The following C1orf21 variants were observed in gnomAD, a reference collection of about 807,000 sequenced individuals.
The protein encoded by C1orf21 is uncharacterized protein C1orf21.
A neutral mutation model predicts 18.7 loss-of-function variants in C1orf21; 3 were observed. The observed-to-expected ratio is 0.16, with a 90% confidence interval of 0.07 to 0.42. The LOEUF (loss-of-function observed/expected upper bound fraction) is 0.42, where lower values mean the gene tolerates loss of function less well. Among genes scored for constraint, C1orf21 ranks in the 10% least tolerant of loss-of-function variants. The pLI, the probability that C1orf21 is intolerant of heterozygous loss-of-function variation, is 0.99. For synonymous variants in C1orf21, 41 were observed against 46.4 expected (o/e 0.88, Z 0.47); for missense variants, 104 against 143.6 (o/e 0.72, Z 1.41).
At chr1:184,592,272 A>T (rs1260561646) in intron 4 of C1orf21, 1 of 152,218 alleles carries the variant, frequency 6.6e-6, no homozygotes, top group Non-Finnish European at 1.5e-5. Context: ...AATTAACTTG[A>T]AGAAAAAGAT....
Position 184,545,272 on chromosome 1 carries a change from G to A in C1orf21, c.189+37590G>A, listed in dbSNP as rs140694755. Among the ~76,000 whole-genome samples the A allele has an allele frequency of 3.0e-4, 46 of 152,112 alleles. 1 individual carries two copies. In the East Asian group the frequency reaches 3.5e-3, roughly 11 times the overall value. On this transcript the variant is annotated intron_variant, in intron 3 of 5. Coordinates refer to ENST00000235307, the MANE Select transcript of C1orf21 (RefSeq NM_030806.4). Reference sequence around the variant, plus strand: ...GATCCATCATACTGTGGAATGTGTCGCACCTGTTAAAAAGAATAAAAAATC... The same window carrying A: ...GATCCATCATACTGTGGAATGTGTCACACCTGTTAAAAAGAATAAAAAATC...
At chr1:184,410,500 A>G (rs1272293022) in intron 1 of C1orf21, among the ~76,000 whole-genome samples, 1 of 147,346 alleles carries the variant, frequency 6.8e-6, no homozygotes, top group Non-Finnish European at 1.5e-5. Flanking sequence ...AAGGTTGCTA[A>G]TGGCATATGA....
chr1:184,546,652 G>A (rs141630781), intron 3 of C1orf21, among the ~76,000 whole-genome samples: 2 of 152,324 alleles, frequency 1.3e-5, no homozygotes, highest in East Asian at 3.9e-4. Context: ...CATGTGTAAA[G>A]CAGGGAGATT....
At chr1:184,587,526 G>T (rs991256436) in intron 3 of C1orf21, among the ~76,000 whole-genome samples, 3 of 10,960 alleles carry the variant, frequency 2.7e-4, no homozygotes, top group Non-Finnish European at 4.3e-4. Context: ...CCTAGGAATT[G>T]TGTGTGTGTG....
chr1:184,608,652 T>C (rs1659685148), intron 5 of C1orf21, among the ~76,000 whole-genome samples: 1 of 152,228 alleles, frequency 6.6e-6, no homozygotes, highest in South Asian at 2.1e-4. Flanking sequence ...TCAGTAGTTC[T>C]GATGGCCCCA....
intron 5 of C1orf21, among the ~76,000 whole-genome samples, chr1:184,602,318 G>A (rs1304961718): frequency 6.6e-6 from 1 of 152,230 alleles, no homozygotes; most frequent in East Asian, 1.9e-4. Context: ...GACCAAGAGA[G>A]ACAGATTGTC....
At chr1:184,606,526 G>A (rs1003333757) in intron 5 of C1orf21, among the ~76,000 whole-genome samples, 2 of 152,210 alleles carry the variant, frequency 1.3e-5, no homozygotes, top group Admixed American at 1.3e-4. Context: ...GTGGCAGTGA[G>A]CTGTGATTGT....
intron 1 of C1orf21, among the ~76,000 whole-genome samples, chr1:184,464,126 G>C (rs1431576043): frequency 6.6e-6 from 1 of 152,204 alleles, no homozygotes; most frequent in Admixed American, 6.5e-5. Context: ...TGAATTCCAT[G>C]AGAAGGAGTT....
intron 3 of C1orf21, among the ~76,000 whole-genome samples, chr1:184,538,796 T>G (rs1378458412): frequency 6.6e-6 from 1 of 152,208 alleles, no homozygotes; most frequent in African/African-American, 2.4e-5. Context: ...AGTTCTCCAT[T>G]CTATTTCATT....
At chr1:184,574,702 G>A (rs940038375) in intron 3 of C1orf21, among the ~76,000 whole-genome samples, 8 of 152,198 alleles carry the variant, frequency 5.3e-5, no homozygotes, top group South Asian at 2.1e-4. Flanking sequence ...GACCTAGGGC[G>A]TGAAAAAGAA....
chr1:184,575,925 G>T (rs931257055), intron 3 of C1orf21, among the ~76,000 whole-genome samples: 1 of 151,994 alleles, frequency 6.6e-6, no homozygotes, highest in Non-Finnish European at 1.5e-5. Flanking sequence ...AGAGGTGGAA[G>T]GATTGAATCT....
chr1:184,569,414 C>G (rs190929089), intron 3 of C1orf21, among the ~76,000 whole-genome samples: 35 of 152,274 alleles, frequency 2.3e-4, no homozygotes, highest in Admixed American at 1.4e-3. Flanking sequence ...TACAGATAAG[C>G]TAAATTCTGT....
chr1:184,424,622 C>T (rs978706116), intron 1 of C1orf21, among the ~76,000 whole-genome samples: 1 of 152,156 alleles, frequency 6.6e-6, no homozygotes, highest in African/African-American at 2.4e-5. Flanking sequence ...GTGCCCGGCT[C>T]CATAAGCCTC....
At chr1:184,529,852 A>G (rs1305771077) in intron 3 of C1orf21, among the ~76,000 whole-genome samples, 6 of 152,176 alleles carry the variant, frequency 3.9e-5, no homozygotes, top group African/African-American at 7.2e-5. Flanking sequence ...TCTTGTCCCT[A>G]TGTGGGTATT....
At chr1:184,464,045 A>G (rs183198244) in intron 1 of C1orf21, among the ~76,000 whole-genome samples, 3 of 152,352 alleles carry the variant, frequency 2.0e-5, no homozygotes, top group East Asian at 3.9e-4. Context: ...ATTAGTAGCT[A>G]CAGACTAGAC....
intron 5 of C1orf21, among the ~76,000 whole-genome samples, chr1:184,617,976 C>T (rs1659856323): frequency 1.5e-5 from 2 of 134,604 alleles, no homozygotes; most frequent in Admixed American, 1.7e-4. Flanking sequence ...ATGGTGCGAT[C>T]TTGGCTCACT....
intron 3 of C1orf21, among the ~76,000 whole-genome samples, chr1:184,542,110 A>T (rs1443822156): frequency 1.3e-5 from 2 of 152,162 alleles, no homozygotes; most frequent in African/African-American, 2.4e-5. Flanking sequence ...TGTTGGGAAG[A>T]TCATCAGCTT....
chr1:184,459,725 A>C lies in C1orf21; in HGVS notation c.-124-17661A>C, dbSNP rs572853074. Among the ~76,000 whole-genome samples, 7 of 152,196 alleles carry C rather than the reference A, an allele frequency of 4.6e-5. No individual in the cohort carries two copies. The South Asian group carries it at 1.4e-3, about 32-fold the overall frequency. The stretch of plus-strand genomic sequence containing the variant: ...CATGGTCTAGTTGGAAAGAAGACAC[A>C]TAAAAGCACAGTAAGGATAGGATGT... On this transcript the variant is annotated intron_variant, in intron 1 of 5. Coordinates refer to ENST00000235307, the MANE Select transcript of C1orf21 (RefSeq NM_030806.4).
At chr1:184,475,667 A>C (rs1052343901) in intron 1 of C1orf21, among the ~76,000 whole-genome samples, 3 of 151,874 alleles carry the variant, frequency 2.0e-5, no homozygotes, top group Non-Finnish European at 4.4e-5. Flanking sequence ...TCTATACACC[A>C]GTATGAATAG....
Sources: gnomAD v4.1 joint callset for allele counts (sites outside exome capture counted in the v4.1 genomes callset) on GRCh38, gnomAD v4.1.1 for gene constraint, MANE v1.5 for transcripts, NCBI Gene and HGNC (gene_info 2026-07-23, HGNC 2026-07-21) for gene names.